Variants in PRDM16 observed in about 807,000 individuals in gnomAD.
PRDM16 encodes the protein PR/SET domain 16, also known as histone-lysine N-methyltransferase PRDM16.
A neutral mutation model predicts 110.6 loss-of-function variants in PRDM16; 23 were observed. That is an observed-to-expected ratio of 0.21 (90% CI 0.15 to 0.29). PRDM16 has a LOEUF of 0.29. PRDM16 is among the 10% of genes least tolerant of loss of function. PRDM16 has a pLI of 1.00. For synonymous variants in PRDM16, 799 were observed against 781.8 expected, an observed-to-expected ratio of 1.02 and a Z score of -0.37; for missense variants, 1,615 against 1,794.3, an observed-to-expected ratio of 0.90 and a Z score of 1.81.
At chr1:3,185,526 A>T (rs1231110800) in intron 1 of PRDM16, among the ~76,000 whole-genome samples, 1 of 152,010 alleles carries the variant, frequency 6.6e-6, no homozygotes, top group Non-Finnish European at 1.5e-5. Context: ...AGGGATGTCC[A>T]GCCTGCGGCC....
chr1:3,394,354 T>C (rs1472935765), intron 4 of PRDM16: 34 of 297,204 alleles, frequency 1.1e-4, no homozygotes, highest in Non-Finnish European at 2.1e-4. Flanking sequence ...AGGCGGAGGA[T>C]CCAGGAGGGC....
At chr1:3,254,283 C>G (rs1474788031) in intron 3 of PRDM16, among the ~76,000 whole-genome samples, 1 of 152,134 alleles carries the variant, frequency 6.6e-6, no homozygotes, top group African/African-American at 2.4e-5. Flanking sequence ...CACTCCTATT[C>G]AACATAGTGT....
intron 1 of PRDM16, among the ~76,000 whole-genome samples, chr1:3,115,526 T>C (rs1289212271): frequency 6.6e-6 from 1 of 152,172 alleles, no homozygotes; most frequent in Non-Finnish European, 1.5e-5. Flanking sequence ...GCCTAGCGAG[T>C]GGCGTTTATG....
intron 3 of PRDM16, among the ~76,000 whole-genome samples, chr1:3,287,030 G>A (rs1640860332): frequency 6.6e-6 from 1 of 152,132 alleles, no homozygotes; most frequent in South Asian, 2.1e-4. Context: ...CTGGGGCCCT[G>A]TTCCCCTGAC....
intron 3 of PRDM16, among the ~76,000 whole-genome samples, chr1:3,351,706 T>C: frequency 1.5e-5 from 1 of 65,500 alleles, no homozygotes; most frequent in Non-Finnish European, 2.8e-5. Context: ...TGTCTCTCCC[T>C]TCCTCTGTCT....
chr1:3,430,677 C>T (rs752734844), intron 14 of PRDM16, among the ~76,000 whole-genome samples, 195 bp from the exon 15 acceptor site: 1 of 152,252 alleles, frequency 6.6e-6, no homozygotes. Context: ...CTCCCGGGAT[C>T]GCCCCCAGGC....
At chr1:3,217,643 C>T (rs1569863268) in intron 2 of PRDM16, among the ~76,000 whole-genome samples, 1 of 152,212 alleles carries the variant, frequency 6.6e-6, no homozygotes, top group East Asian at 1.9e-4. Flanking sequence ...TGAGTGCACG[C>T]TGTCCAGAAG....
intron 1 of PRDM16, among the ~76,000 whole-genome samples, chr1:3,122,546 T>G (rs1557463810): frequency 6.6e-6 from 1 of 152,128 alleles, no homozygotes; most frequent in East Asian, 1.9e-4. Flanking sequence ...GTGGAGAAGT[T>G]TAAGCCTTCA....
chr1:3,276,993 G>A (rs761457083), intron 3 of PRDM16, among the ~76,000 whole-genome samples: 17 of 152,096 alleles, frequency 1.1e-4, no homozygotes, highest in Admixed American at 2.0e-4. Context: ...TCACCAATCC[G>A]TTTGATTGAT....
chr1:3,180,820 G>A (rs1367541420), intron 1 of PRDM16, among the ~76,000 whole-genome samples: 1 of 148,924 alleles, frequency 6.7e-6, no homozygotes, highest in Non-Finnish European at 1.5e-5. Flanking sequence ...CACCTTTTCA[G>A]GTTCCCAACA....
At position 3,244,440 on chromosome 1, in the gene PRDM16, G is replaced by A. The variant is rs1042147169; in HGVS notation, c.438+303G>A. ...TACCTGTGGGAAAGCTTCAGGCCAC[G>A]CAGACAGGAAAATTAAATAAACGCA... On this transcript the variant is annotated intron_variant, in intron 3 of 16. Transcript: ENST00000270722. The surrounding 1 kb of genome is among the most constrained non-coding windows in gnomAD (Gnocchi z 4.1). Among the ~76,000 whole-genome samples the A allele has an allele frequency of 2.6e-5, 4 of 152,226 alleles. No homozygotes were observed. The highest frequency in any genetic ancestry group is 9.6e-5 in the African/African-American group (4 of 41,534).
At position 3,265,866 on chromosome 1, in the gene PRDM16, T is replaced by G. The variant is rs887736240; in HGVS notation, c.438+21729T>G. ...AGGTCCTTCGCTCTCTATGATCCCT[T>G]TACGGTCGTGCAGTGCTCCCCAGGG... On this transcript the variant is annotated intron_variant, in intron 3 of 16. Coordinates refer to ENST00000270722, the MANE Select transcript of PRDM16 (RefSeq NM_022114.4). The surrounding 1 kb of genome is among the most constrained non-coding windows in gnomAD (Gnocchi z 4.5). Among the ~76,000 whole-genome samples the G allele has an allele frequency of 6.6e-6, 1 of 152,210 alleles. No homozygotes were observed. The highest frequency in any genetic ancestry group is 1.5e-5 in the Non-Finnish European group (1 of 67,996).
chr1:3,237,278 G>A (rs537543508), intron 2 of PRDM16, among the ~76,000 whole-genome samples: 8 of 152,062 alleles, frequency 5.3e-5, no homozygotes, highest in African/African-American at 9.6e-5. Flanking sequence ...GGGCTCCTCC[G>A]TCTCTGGGGT....
At chr1:3,108,567 T>C (rs1445377623) in intron 1 of PRDM16, among the ~76,000 whole-genome samples, 2 of 152,208 alleles carry the variant, frequency 1.3e-5, no homozygotes, top group African/African-American at 2.4e-5. Context: ...GACACAGCTA[T>C]TGGAGTAATC....
At chr1:3,124,313 G>A (rs1643158721) in intron 1 of PRDM16, among the ~76,000 whole-genome samples, 1 of 152,188 alleles carries the variant, frequency 6.6e-6, no homozygotes, top group South Asian at 2.1e-4. Context: ...GGGAGAGAGA[G>A]GCCCAGACAG....
intron 3 of PRDM16, among the ~76,000 whole-genome samples, chr1:3,361,023 CACTG>C (rs1447900342): frequency 4.9e-4 from 75 of 152,366 alleles, no homozygotes; most frequent in African/African-American, 1.7e-3. Context: ...GGAGCGAGGA[CACTG>C]ACTAACAACG....
intron 1 of PRDM16, among the ~76,000 whole-genome samples, chr1:3,146,282 C>T (rs1417792757): frequency 1.3e-5 from 2 of 152,258 alleles, no homozygotes; most frequent in South Asian, 2.1e-4. Context: ...GGGGGCCTCC[C>T]CGCTAACAGC....
chr1:3,412,492 C>T lies in PRDM16; in HGVS notation c.2295C>T (p.Gly765=), dbSNP rs376224745. 1.0e-4 allele frequency: 163 copies of T among 1,613,158 alleles called. No individual in the cohort carries two copies. The highest frequency in any genetic ancestry group is 1.6e-4 in the Middle Eastern group (1 of 6,084). The change falls in exon 9 of 17, where the codon GGC becomes GGT. Residue 765 remains glycine, a synonymous_variant. Transcript: ENST00000270722. The part of the protein sequence containing the change: ...PKSPRDALKV[G]GPSAECPFDL... ...CACCCCGGGACGCCCTCAAGGTGGGCGGCCCCAGTGCCGAGTGCCCCTTTG... is the reference window on the plus strand; with the variant it reads ...CACCCCGGGACGCCCTCAAGGTGGGTGGCCCCAGTGCCGAGTGCCCCTTTG...
rs146213582 is a variant in PRDM16, at chr1:3,125,513, G to A, written c.37+56217G>A. 7.6e-3 allele frequency among the ~76,000 whole-genome samples: 1,161 copies of A among 152,384 alleles called. 19 individuals carry two copies. The highest frequency in any genetic ancestry group is 0.027 in the African/African-American group (1,118 of 41,596). On this transcript the variant is annotated intron_variant, in intron 1 of 16. Coordinates refer to ENST00000270722, the MANE Select transcript of PRDM16 (RefSeq NM_022114.4). ...GGAAGGGCAGAGTCGCCGGCTCAGC[G>A]GGACACACGCTCTGAAGCACAGGCC... is the stretch of plus-strand genomic sequence containing the variant.
Sources: allele counts gnomAD v4.1 joint callset (sites outside exome capture counted in the v4.1 genomes callset), GRCh38; gene constraint gnomAD v4.1.1; non-coding constraint Gnocchi (gnomAD v3.1); transcripts MANE v1.5; gene names NCBI Gene and HGNC (gene_info 2026-07-23, HGNC 2026-07-21).